SETD3: variants seen among roughly 807,000 people sequenced by gnomAD.
SETD3 encodes the protein SET domain containing 3, actin N3(tau)-histidine methyltransferase, also known as actin-histidine N-methyltransferase.
Under a neutral mutation model 63.0 loss-of-function variants are expected in SETD3, and 19 were observed. The observed-to-expected ratio is 0.30, with a 90% CI of 0.21 to 0.44. The LOEUF (loss-of-function observed/expected upper bound fraction) is 0.44, where lower values mean the gene tolerates loss of function less well. SETD3 is among the 20% of genes least tolerant of loss of function. The pLI, the probability that SETD3 is intolerant of heterozygous loss-of-function variation, is 1.00. For missense variants in SETD3, 587 were observed against 728.5 expected (o/e 0.81, Z 2.24); for synonymous variants, 286 against 264.1 (o/e 1.08, Z -0.80).
chr14:99,405,010 G>A (rs950912374), intron 10 of SETD3, among the ~76,000 whole-genome samples, 195 bp downstream of exon 10: 3 of 152,198 alleles, frequency 2.0e-5, no homozygotes, highest in Non-Finnish European at 4.4e-5. Context: ...TGCGCCCAAC[G>A]ACACAATTAT....
chr14:99,399,947 G>C, intron 12 of SETD3, 152 bp downstream of exon 12: 1 of 583,192 alleles, frequency 1.7e-6, no homozygotes, highest in Non-Finnish European at 2.9e-6. Flanking sequence ...TCACCATGTT[G>C]GCCAGGCTGG....
intron 6 of SETD3, among the ~76,000 whole-genome samples, chr14:99,419,846 T>C (rs1317498508): frequency 6.6e-6 from 1 of 152,164 alleles, no homozygotes; most frequent in East Asian, 1.9e-4. Flanking sequence ...CAACCAATTA[T>C]GAACCAAATT....
intron 1 of SETD3, among the ~76,000 whole-genome samples, chr14:99,474,092 G>A (rs573515967): frequency 2.0e-5 from 3 of 152,256 alleles, no homozygotes; most frequent in Admixed American, 6.5e-5. Flanking sequence ...AGGCCAAGGC[G>A]GGTGGATCAT....
rs7140590 is a variant in SETD3 at position 99,473,684 on chromosome 14, C to G, written c.-9+7044G>C. On this transcript the variant is annotated intron_variant, in intron 1 of 12. Coordinates refer to ENST00000331768, the MANE Select transcript of SETD3 (RefSeq NM_032233.3). The stretch of plus-strand genomic sequence containing the variant: ...ACTCGAGAGAGTGTGAGGGCCTAAT[C>G]TTCATGTAGGAAGAATAGGAAATAC... Among the ~76,000 whole-genome samples the G allele has an allele frequency of 9.4e-3, 1,426 of 152,242 alleles. 20 individuals are homozygous for G. The highest frequency in any genetic ancestry group is 0.032 in the African/African-American group (1,340 of 41,528).
In SETD3 at chr14:99,404,308, G is replaced by A; in HGVS notation, c.1094C>T (p.Ser365Phe). 1.2e-6 allele frequency: 2 copies of A among 1,613,974 alleles called. No individual in the cohort carries two copies. Among genetic ancestry groups the A allele is most frequent in the South Asian group, 1.1e-5 (1 of 91,060 alleles). ...GGTAAAATGCAATGCAAAAACACTG[G>A]AACTGATAAAAGCAGAAAGCAAGAT... ...EVLARAGIPT[S>F]SVFALHFTEP... The change falls in exon 11 of 13, where the codon TCC becomes TTC. Residue 365 changes from serine (S) to phenylalanine (F), a missense_variant and splice_region_variant. By Grantham distance (155) the Ser-to-Phe change is radical (BLOSUM62 -2). Coordinates refer to ENST00000331768, the MANE Select transcript of SETD3 (RefSeq NM_032233.3).
intron 6 of SETD3, among the ~76,000 whole-genome samples, chr14:99,433,541 G>A (rs552993952): frequency 3.6e-4 from 55 of 152,032 alleles, no homozygotes; most frequent in Non-Finnish European, 5.6e-4. Flanking sequence ...AGGTTTAAGC[G>A]ATTCTCCTGC....
chr14:99,464,662 C>A (rs1263989140), intron 2 of SETD3, among the ~76,000 whole-genome samples: 1 of 152,232 alleles, frequency 6.6e-6, no homozygotes, highest in African/African-American at 2.4e-5. Flanking sequence ...TTTAGCCTGC[C>A]ACATAATCTA....
intron 6 of SETD3, among the ~76,000 whole-genome samples, chr14:99,448,648 C>T (rs1595227062): frequency 1.3e-5 from 2 of 152,304 alleles, no homozygotes; most frequent in Non-Finnish European, 2.9e-5. Context: ...AAACTGACCG[C>T]CTTGTACCCT....
At chr14:99,416,243 A>C (rs1372996565) in intron 6 of SETD3, among the ~76,000 whole-genome samples, 1 of 152,226 alleles carries the variant, frequency 6.6e-6, no homozygotes, top group Non-Finnish European at 1.5e-5. Flanking sequence ...AAACAAAAAA[A>C]AACCTTTTTT....
rs548623386 is a variant in SETD3 at position 99,464,348 on chromosome 14, A to G, written c.104-770T>C. On this transcript the variant is annotated intron_variant, in intron 2 of 12. Coordinates refer to ENST00000331768, the MANE Select transcript of SETD3 (RefSeq NM_032233.3). ...GGGCCCCTTTGCTCTCTATTAAAAGAGTATATGTGGCAAATAACTAACAAT... is the reference window on the plus strand; with the variant it reads ...GGGCCCCTTTGCTCTCTATTAAAAGGGTATATGTGGCAAATAACTAACAAT... 2.0e-5 allele frequency among the ~76,000 whole-genome samples: 3 copies of G among 152,356 alleles called. No individual in the cohort carries two copies. The East Asian group carries it at 5.8e-4, about 29-fold the overall frequency.
intron 2 of SETD3, among the ~76,000 whole-genome samples, chr14:99,464,979 C>T (rs562140459): frequency 1.8e-4 from 27 of 152,150 alleles, no homozygotes; most frequent in African/African-American, 6.0e-4. Flanking sequence ...CTCACCTCTA[C>T]AAAAAAATTA....
upstream of SETD3, among the ~76,000 whole-genome samples, chr14:99,482,629 T>G (rs1387856452): frequency 6.6e-6 from 1 of 152,258 alleles, no homozygotes; most frequent in Non-Finnish European, 1.5e-5. Context: ...TATATTGTGA[T>G]GCATTATTCA....
chr14:99,464,442 C>G (rs1034221944), intron 2 of SETD3, among the ~76,000 whole-genome samples: 1 of 152,230 alleles, frequency 6.6e-6, no homozygotes, highest in Non-Finnish European at 1.5e-5. Flanking sequence ...ACAATAAGCA[C>G]TCACTGAGGC....
chr14:99,432,511 T>A (rs1893238829), intron 6 of SETD3, among the ~76,000 whole-genome samples: 1 of 152,236 alleles, frequency 6.6e-6, no homozygotes, highest in South Asian at 2.1e-4. Flanking sequence ...AAAACTTCAG[T>A]TCCATATGCT....
Position 99,480,747 on chromosome 14 carries a change from C to T in SETD3, c.-28G>A, listed in dbSNP as rs1226231049. The T allele has an allele frequency of 1.3e-5, 2 of 151,556 alleles. No individual in the cohort carries two copies. The highest frequency in any genetic ancestry group is 2.4e-5 in the African/African-American group (1 of 41,334). The allele number at this position is 151,556 out of a possible 1,614,324, so 9.4% of individuals were successfully genotyped here. A position where few individuals can be genotyped will look rare whatever the true frequency, so the allele number is the denominator to read the frequency against. ...ACTCACCTGCCCGCTTCCCCTAGCG[C>T]AGCGGGAACGACGTACTCCGGCCCG... is the stretch of plus-strand genomic sequence containing the variant. On this transcript the variant is annotated 5_prime_UTR_variant, in exon 1 of 13. Coordinates refer to ENST00000331768, the MANE Select transcript of SETD3 (RefSeq NM_032233.3).
At chr14:99,481,085 G>A, upstream of SETD3, 1 of 218,444 alleles carries the variant, frequency 4.6e-6, no homozygotes, top group Non-Finnish European at 9.0e-6. Flanking sequence ...GTCGCAACTG[G>A]CTGCGTTCGC....
intron 6 of SETD3, among the ~76,000 whole-genome samples, chr14:99,425,723 G>A (rs1361589840): frequency 6.6e-6 from 1 of 152,158 alleles, no homozygotes; most frequent in Non-Finnish European, 1.5e-5. Context: ...ACAATGTGGA[G>A]TTTAGATTTA....
In SETD3 at chr14:99,441,669, G is replaced by T. The variant is rs559641862; in HGVS notation, c.675+16610C>A. 3.3e-5 allele frequency among the ~76,000 whole-genome samples: 5 copies of T among 152,332 alleles called. No individual in the cohort carries two copies. In the East Asian group the frequency reaches 9.7e-4, roughly 30 times the overall value. On this transcript the variant is annotated intron_variant, in intron 6 of 12. Coordinates refer to ENST00000331768, the MANE Select transcript of SETD3 (RefSeq NM_032233.3). ...CACAGCAAAGTCCTGAGGAGAAGAG[G>T]CTGGCAAGTCCTGGGCCCTGATCAC... is the stretch of plus-strand genomic sequence containing the variant.
chr14:99,398,478 C>T lies in SETD3; in HGVS notation c.*201G>A, dbSNP rs892492514. ...GTTGTTTGTTAATTGGTTTGTTTTG[C>T]CTAAAAGCAAGATGGCAATCTTAAT... On this transcript the variant is annotated 3_prime_UTR_variant, in exon 13 of 13. Coordinates refer to ENST00000331768, the MANE Select transcript of SETD3 (RefSeq NM_032233.3). 3.4e-6 allele frequency: 2 copies of T among 584,438 alleles called. No individual in the cohort carries two copies. The highest frequency in any genetic ancestry group is 5.9e-6 in the Non-Finnish European group (2 of 338,090). 36.2% of individuals were successfully genotyped at this position (584,438 alleles called of 1,614,324 possible). A position where few individuals can be genotyped will look rare whatever the true frequency, so the allele number is the denominator to read the frequency against.
Sources: gnomAD v4.1 joint callset for allele counts (sites outside exome capture counted in the v4.1 genomes callset) on GRCh38, gnomAD v4.1.1 for gene constraint, MANE v1.5 for transcripts, NCBI Gene and HGNC (gene_info 2026-07-23, HGNC 2026-07-21) for gene names.